Variants in DOK6 observed in about 807,000 individuals in gnomAD.
DOK6 encodes the protein downstream of tyrosine kinase 6.
Under a neutral mutation model 44.0 loss-of-function variants are expected in DOK6, and 22 were observed. The ratio of observed to expected loss-of-function variants is 0.50; its 90% confidence interval spans 0.36 to 0.71. DOK6 has a LOEUF of 0.71. Among genes scored for constraint, DOK6 ranks in the 30% least tolerant of loss-of-function variants. The pLI is 0.00. For missense variants in DOK6, 340 were observed against 416.4 expected (o/e 0.82, Z 1.60); for synonymous variants, 166 against 145.5 (o/e 1.14, Z -1.01).
chr18:69,469,308 A>G (rs566472701), intron 1 of DOK6, among the ~76,000 whole-genome samples: 1 of 152,328 alleles, frequency 6.6e-6, no homozygotes, highest in East Asian at 1.9e-4. Flanking sequence ...ATACAAGTTT[A>G]AATAAGAATG....
At chr18:69,727,495 A>T (rs192843041) in intron 5 of DOK6, among the ~76,000 whole-genome samples, 2 of 152,234 alleles carry the variant, frequency 1.3e-5, no homozygotes. Flanking sequence ...AGTTCACTCC[A>T]TACCCCCAAG....
At position 69,832,652 on chromosome 18, in the gene DOK6, T is replaced by TGGAAGG. The variant is rs1334741757; in HGVS notation, c.857-8592_857-8591insGGAAGG. ...GTGATTCCACTAGGTCCTGGGCTTT[T>TGGAAGG]CTTTGGTGGAAGACTTTTATTACTC... On this transcript the variant is annotated intron_variant, in intron 7 of 7. Coordinates refer to ENST00000382713, the MANE Select transcript of DOK6 (RefSeq NM_152721.6). 1.5e-4 allele frequency: 23 copies of TGGAAGG among 152,256 alleles called. No homozygotes were observed. In the East Asian group the frequency reaches 3.7e-3, roughly 24 times the overall value. The allele number at this position is 152,256 out of a possible 1,614,324, so 9.4% of individuals were successfully genotyped here. A position where few individuals can be genotyped will look rare whatever the true frequency, so the allele number is the denominator to read the frequency against.
intron 1 of DOK6, among the ~76,000 whole-genome samples, chr18:69,526,866 T>C (rs1981845745): frequency 6.6e-6 from 1 of 152,186 alleles, no homozygotes; most frequent in Non-Finnish European, 1.5e-5. Flanking sequence ...TATCCGTAAA[T>C]ATTTTTACAT....
intron 1 of DOK6, 53 bp downstream of exon 1, chr18:69,401,363 G>T: frequency 7.1e-7 from 1 of 1,408,858 alleles, no homozygotes; most frequent in Non-Finnish European, 9.3e-7. Context: ...GGCCCGGCTG[G>T]CTGCCTGGGG....
At chr18:69,624,011 A>G (rs1184612431) in intron 3 of DOK6, among the ~76,000 whole-genome samples, 1 of 151,942 alleles carries the variant, frequency 6.6e-6, no homozygotes, top group Non-Finnish European at 1.5e-5. Context: ...GTGAATGGTA[A>G]CTGCCAGTAT....
At chr18:69,402,227 G>T (rs1420925065) in intron 1 of DOK6, among the ~76,000 whole-genome samples, 1 of 152,092 alleles carries the variant, frequency 6.6e-6, no homozygotes, top group Non-Finnish European at 1.5e-5. Context: ...GGGGAAACTC[G>T]TCTGGGAAAG....
intron 2 of DOK6, among the ~76,000 whole-genome samples, chr18:69,580,872 A>G (rs1983353363): frequency 6.6e-6 from 1 of 151,366 alleles, no homozygotes; most frequent in Non-Finnish European, 1.5e-5. Flanking sequence ...CCACAATTCT[A>G]CTCTTCGTTA....
chr18:69,414,711 C>T (rs1568249858), intron 1 of DOK6, among the ~76,000 whole-genome samples: 2 of 151,940 alleles, frequency 1.3e-5, no homozygotes, highest in East Asian at 1.9e-4. Flanking sequence ...GGTAATTTTA[C>T]AAGAAGTTAC....
intron 1 of DOK6, among the ~76,000 whole-genome samples, chr18:69,500,891 C>A (rs536374028): frequency 6.6e-6 from 1 of 152,174 alleles, no homozygotes; most frequent in South Asian, 2.1e-4. Context: ...ATTAAGACAG[C>A]TAATGTGATT....
At chr18:69,555,345 G>T (rs1285529285) in intron 1 of DOK6, among the ~76,000 whole-genome samples, 1 of 152,140 alleles carries the variant, frequency 6.6e-6, no homozygotes, top group African/African-American at 2.4e-5. Context: ...ATCTTGTTGA[G>T]TGGGCATTGT....
intron 3 of DOK6, among the ~76,000 whole-genome samples, chr18:69,650,239 G>A (rs1236597907): frequency 1.3e-5 from 2 of 152,170 alleles, no homozygotes; most frequent in Non-Finnish European, 2.9e-5. Context: ...TTTGTGAAGA[G>A]GATGCAGGGA....
intron 7 of DOK6, among the ~76,000 whole-genome samples, chr18:69,778,233 G>A (rs776003624): frequency 2.0e-5 from 3 of 152,110 alleles, no homozygotes; most frequent in Non-Finnish European, 4.4e-5. Flanking sequence ...AATACAAGAT[G>A]TATATAAAGT....
chr18:69,423,712 T>G (rs1489416995), intron 1 of DOK6, among the ~76,000 whole-genome samples: 2 of 152,250 alleles, frequency 1.3e-5, no homozygotes, highest in African/African-American at 2.4e-5. Context: ...TGAAAACTTC[T>G]TTTGTCCTCA....
intron 7 of DOK6, among the ~76,000 whole-genome samples, chr18:69,789,187 T>C (rs550839640): frequency 1.3e-5 from 2 of 152,334 alleles, no homozygotes; most frequent in South Asian, 4.1e-4. Flanking sequence ...TCCGAGTTTC[T>C]TCTTCCACAG....
chr18:69,603,798 G>T (rs917653946), intron 3 of DOK6, among the ~76,000 whole-genome samples: 6 of 137,486 alleles, frequency 4.4e-5, no homozygotes, highest in Non-Finnish European at 9.4e-5. Flanking sequence ...AAAAAAAAAG[G>T]ACATCTGTGG....
intron 1 of DOK6, among the ~76,000 whole-genome samples, chr18:69,492,909 C>T (rs1454403785): frequency 6.6e-6 from 1 of 151,420 alleles, no homozygotes; most frequent in East Asian, 1.9e-4. Flanking sequence ...AGCTTCAAAC[C>T]CAGCTCTGTC....
rs184680772 is a variant in DOK6 at position 69,490,662 on chromosome 18, A to G, written c.67-73825A>G. Among the ~76,000 whole-genome samples the G allele has an allele frequency of 8.2e-4, 125 of 152,314 alleles. No homozygotes were observed. In the East Asian group the frequency reaches 0.021, roughly 25 times the overall value. On this transcript the variant is annotated intron_variant, in intron 1 of 7. Transcript: ENST00000382713. ...TACATACTAATATAATAATTTCCCA[A>G]GTATTTGAATTACCTCCATTATGTG...
At chr18:69,532,957 A>G (rs1982025686) in intron 1 of DOK6, 2 of 152,210 alleles carry the variant, frequency 1.3e-5, no homozygotes, top group Non-Finnish European at 1.5e-5. Context: ...GTTTTCTCAG[A>G]AAACAGCTTT....
At position 69,509,453 on chromosome 18, in the gene DOK6, T is replaced by A. The variant is rs9807718; in HGVS notation, c.67-55034T>A. Among the ~76,000 whole-genome samples the A allele has an allele frequency of 9.2e-5, 14 of 151,568 alleles. 1 individual carries two copies. The South Asian group carries it at 2.1e-3, about 22-fold the overall frequency. ...GAGATCGAGACCATCCTGGCTAACA[T>A]GGTGAAACCCCGTCTCTACTAAAAA... On this transcript the variant is annotated intron_variant, in intron 1 of 7. Transcript: ENST00000382713.
Sources: gnomAD v4.1 joint callset for allele counts (sites outside exome capture counted in the v4.1 genomes callset) on GRCh38, gnomAD v4.1.1 for gene constraint, MANE v1.5 for transcripts, NCBI Gene and HGNC (gene_info 2026-07-23, HGNC 2026-07-21) for gene names.